Variants in TMPRSS4 observed in about 807,000 individuals in gnomAD.
TMPRSS4 encodes transmembrane protease serine 4.
Under a neutral mutation model 56.4 loss-of-function variants are expected in TMPRSS4, and 45 were observed. The ratio of observed to expected loss-of-function variants is 0.80; its 90% CI spans 0.63 to 1.02. The LOEUF is 1.02. TMPRSS4 is among the 50% of genes least tolerant of loss of function. The pLI is 0.00. For missense variants in TMPRSS4, 546 were observed against 556.7 expected (o/e 0.98, Z 0.19); for synonymous variants, 205 against 211.0 (o/e 0.97, Z 0.25).
At position 118,097,110 on chromosome 11, in the gene TMPRSS4, A is replaced by C. The variant is rs1946445779; in HGVS notation, c.44-1875A>C. On this transcript the variant is annotated intron_variant, in intron 2 of 12. Transcript: ENST00000437212. ...TACTTAAGAGAGCAGAGCCAAGAACAATTCATCTGTTCAGGTGACAAATAT... is the reference window on the plus strand; with the variant it reads ...TACTTAAGAGAGCAGAGCCAAGAACCATTCATCTGTTCAGGTGACAAATAT... Among the ~76,000 whole-genome samples, 2 of 148,788 alleles carry C rather than the reference A, an allele frequency of 1.3e-5. 1 individual carries two copies. The highest frequency in any genetic ancestry group is 4.9e-5 in the African/African-American group (2 of 40,510).
At chr11:118,113,012 G>A (rs980626756) in intron 8 of TMPRSS4, among the ~76,000 whole-genome samples, 3 of 151,982 alleles carry the variant, frequency 2.0e-5, no homozygotes, top group Non-Finnish European at 4.4e-5. Context: ...GGCATTAGAG[G>A]AGCCCCTTCC....
chr11:118,108,128 A>T (rs753148290), intron 6 of TMPRSS4: 71 of 407,290 alleles, frequency 1.7e-4, no homozygotes, highest in Non-Finnish European at 2.8e-4. Flanking sequence ...AGCCAGAGGG[A>T]TGGATAATGT....
At chr11:118,093,986 AT>A (rs1365317916) in intron 1 of TMPRSS4, among the ~76,000 whole-genome samples, 1 of 152,164 alleles carries the variant, frequency 6.6e-6, no homozygotes, top group Non-Finnish European at 1.5e-5. Context: ...ATTCTTGTCT[AT>A]TGCTGAATTA....
intron 1 of TMPRSS4, among the ~76,000 whole-genome samples, chr11:118,079,975 G>A (rs892645767): frequency 6.6e-6 from 1 of 152,136 alleles, no homozygotes; most frequent in Non-Finnish European, 1.5e-5. Context: ...TTGCCACCTG[G>A]GTGACAGGGC....
At position 118,117,978 on chromosome 11, in the gene TMPRSS4, C is replaced by T. The variant is rs1322935530; in HGVS notation, c.*65C>T. 1.2e-6 allele frequency: 2 copies of T among 1,611,410 alleles called. No homozygotes were observed. The highest frequency in any genetic ancestry group is 1.3e-5 in the African/African-American group (1 of 74,988). On this transcript the variant is annotated 3_prime_UTR_variant, in exon 13 of 13. Transcript: ENST00000437212. ...CTGCCCTGCCCACCTGGGGATCCCC[C>T]AAAGTCAGACACAGAGCAAGAGTCC... is the stretch of plus-strand genomic sequence containing the variant.
At position 118,093,867 on chromosome 11, in the gene TMPRSS4, C is replaced by T. The variant is rs147911824; in HGVS notation, c.4-949C>T. On this transcript the variant is annotated intron_variant, in intron 1 of 12. Transcript: ENST00000437212. ...TCTGACTTCTATCACTATAGATTAA[C>T]CTTGCCTTTTAAACTTTATATAAGT... Among the ~76,000 whole-genome samples the T allele has an allele frequency of 1.6e-3, 235 of 150,448 alleles. 1 individual carries two copies. Among genetic ancestry groups the T allele is most frequent in the African/African-American group, 5.5e-3 (226 of 41,156 alleles).
chr11:118,077,672 G>C (rs116923648), intron 1 of TMPRSS4, among the ~76,000 whole-genome samples: 2,313 of 152,266 alleles, frequency 0.015, 85 homozygotes, highest in East Asian at 0.083. Context: ...TGATGCCACG[G>C]TTGCCCTCTG....
intron 1 of TMPRSS4, among the ~76,000 whole-genome samples, chr11:118,093,825 C>A (rs541344262): frequency 6.6e-6 from 1 of 151,284 alleles, no homozygotes; most frequent in East Asian, 2.0e-4. Context: ...ACTGCCCCCC[C>A]CAATGGTAAC....
intron 11 of TMPRSS4, among the ~76,000 whole-genome samples, chr11:118,117,021 C>T (rs1388359731): frequency 6.6e-6 from 1 of 152,082 alleles, no homozygotes; most frequent in Non-Finnish European, 1.5e-5. Context: ...AACAACCAGG[C>T]TTTTTTAAGA....
At chr11:118,117,709 A>T (rs1947637028) in intron 12 of TMPRSS4, 193 bp from the exon 13 acceptor site, 1 of 985,334 alleles carries the variant, frequency 1.0e-6, no homozygotes, top group Admixed American at 6.1e-5. Flanking sequence ...ACAGAATGAG[A>T]CTATCAGATC....
chr11:118,119,385 G>C lies in TMPRSS4; in HGVS notation c.*1472G>C, dbSNP rs1013895255. ...TCTGGAGGAAAATTTCCCAAATTTA[G>C]AGCCTCAGGATTCCCAAAGATCCTC... is the stretch of plus-strand genomic sequence containing the variant. On this transcript the variant is annotated 3_prime_UTR_variant, in exon 13 of 13. Transcript: ENST00000437212. 2 of 982,898 alleles carry C rather than the reference G, an allele frequency of 2.0e-6. No individual in the cohort carries two copies. The highest frequency in any genetic ancestry group is 3.5e-5 in the African/African-American group (2 of 57,166). 60.9% of individuals were successfully genotyped at this position (982,898 alleles called of 1,614,324 possible). A position where few individuals can be genotyped will look rare whatever the true frequency, so the allele number is the denominator to read the frequency against.
rs1320770867 is a variant in TMPRSS4 at position 118,119,808 on chromosome 11, T to C, written c.*1895T>C. On this transcript the variant is annotated 3_prime_UTR_variant, in exon 13 of 13. Coordinates refer to ENST00000437212, the MANE Select transcript of TMPRSS4 (RefSeq NM_019894.4). Reference sequence around the variant, plus strand: ...CCAATATGATAATTTATAAAATATTTGAATAAAAAATGAATACTAGTTCCA... The same window carrying C: ...CCAATATGATAATTTATAAAATATTCGAATAAAAAATGAATACTAGTTCCA... The C allele has an allele frequency of 6.6e-6, 1 of 152,204 alleles. No homozygotes were observed. The highest frequency in any genetic ancestry group is 1.5e-5 in the Non-Finnish European group (1 of 68,042). The allele number at this position is 152,204 out of a possible 1,614,324, so 9.4% of individuals were successfully genotyped here.
Position 118,118,018 on chromosome 11 carries a change from C to G in TMPRSS4, c.*105C>G, listed in dbSNP as rs911083541. 8 of 1,598,084 alleles carry G rather than the reference C, an allele frequency of 5.0e-6. No individual in the cohort carries two copies. Among genetic ancestry groups the G allele is most frequent in the African/African-American group, 1.3e-5 (1 of 74,418 alleles). ...AGCAAGAGTCCCCTTGGGTACACCC[C>G]TCTGCCCACAGCCTCAGCATTTCTT... On this transcript the variant is annotated 3_prime_UTR_variant, in exon 13 of 13. Transcript: ENST00000437212.
At chr11:118,077,980 T>A (rs1309659730) in intron 1 of TMPRSS4, among the ~76,000 whole-genome samples, 1 of 118,902 alleles carries the variant, frequency 8.4e-6, no homozygotes, top group Admixed American at 1.2e-4. Flanking sequence ...GCCATTGCAC[T>A]CCAACCTGGG....
intron 11 of TMPRSS4, among the ~76,000 whole-genome samples, chr11:118,115,758 G>C (rs1332809401): frequency 6.6e-6 from 1 of 152,206 alleles, no homozygotes; most frequent in Non-Finnish European, 1.5e-5. Flanking sequence ...AGGAGGCAGA[G>C]GTTGCAGTAA....
rs1946194784 is a variant in TMPRSS4, at chr11:118,094,796, AC to A, written c.4-19del. 4 of 1,608,550 alleles carry A rather than the reference AC, an allele frequency of 2.5e-6. No individual in the cohort carries two copies. In the African/African-American group the frequency reaches 4.0e-5, roughly 16 times the overall value. On this transcript the variant is annotated intron_variant, in intron 1 of 12. Coordinates refer to ENST00000437212, the MANE Select transcript of TMPRSS4 (RefSeq NM_019894.4). ...CCTGAGAGGCTCCCTGCCTCAACTC[AC>A]TGACTGTTTTTCCTTCAATTACAGG... is the stretch of plus-strand genomic sequence containing the variant.
downstream of TMPRSS4, among the ~76,000 whole-genome samples, chr11:118,124,130 T>C (rs143746324): frequency 1.2e-3 from 179 of 152,180 alleles, 1 homozygote; most frequent in African/African-American, 4.1e-3. Context: ...CTCATGCCTG[T>C]AATCCCAGCA....
At chr11:118,085,129 T>C (rs1456387743) in intron 1 of TMPRSS4, among the ~76,000 whole-genome samples, 1 of 152,226 alleles carries the variant, frequency 6.6e-6, no homozygotes, top group Admixed American at 6.5e-5. Flanking sequence ...GTCGCTTTTA[T>C]TGTACCCACA....
At chr11:118,111,594 G>C in intron 7 of TMPRSS4, 147 bp from the exon 8 acceptor site, 1 of 565,476 alleles carries the variant, frequency 1.8e-6, no homozygotes, top group Non-Finnish European at 3.0e-6. Flanking sequence ...TACCTCCCAT[G>C]AATATCTCAT....
Sources: allele counts gnomAD v4.1 joint callset (sites outside exome capture counted in the v4.1 genomes callset), GRCh38; gene constraint gnomAD v4.1.1; transcripts MANE v1.5; gene names NCBI Gene and HGNC (gene_info 2026-07-23, HGNC 2026-07-21).